Variants in ATXN10 observed in about 807,000 individuals in gnomAD.
The protein encoded by ATXN10 is ataxin 10.
Under a neutral mutation model 52.9 loss-of-function variants are expected in ATXN10, and 28 were observed. The observed-to-expected ratio is 0.53, with a 90% CI of 0.39 to 0.73. ATXN10 has a LOEUF of 0.73. Among genes scored for constraint, ATXN10 ranks in the 30% least tolerant of loss-of-function variants. The probability of loss-of-function intolerance (pLI) is 0.00; values close to 1 mark genes in which losing one functional copy is unlikely to be tolerated. For missense variants in ATXN10, 565 were observed against 577.0 expected (o/e 0.98, Z 0.21); for synonymous variants, 226 against 221.5 (o/e 1.02, Z -0.18).
At chr22:45,760,390 T>A (rs73444641) in intron 9 of ATXN10, 1 of 153,960 alleles carries the variant, frequency 6.5e-6, no homozygotes, top group African/African-American at 2.4e-5. Flanking sequence ...TCTGAGTGCT[T>A]ACCATGTGCC....
chr22:45,738,705 A>G (rs1351154078), intron 7 of ATXN10, 26 bp from the exon 8 acceptor site: 3 of 1,571,906 alleles, frequency 1.9e-6, no homozygotes, highest in Non-Finnish European at 1.8e-6. Context: ...AATATGCTAA[A>G]AAGTTATGTT....
At chr22:45,713,999 A>T (rs1035346354) in intron 5 of ATXN10, among the ~76,000 whole-genome samples, 1 of 152,192 alleles carries the variant, frequency 6.6e-6, no homozygotes, top group Non-Finnish European at 1.5e-5. Context: ...TGATTGTAGA[A>T]TAAATTCATA....
rs1569025833 is a variant in ATXN10 at position 45,694,954 on chromosome 22, A to AAAAAC, written c.391+1880_391+1881insCAAAA. On this transcript the variant is annotated intron_variant, in intron 3 of 11. Coordinates refer to ENST00000252934, the MANE Select transcript of ATXN10 (RefSeq NM_013236.4). ...AGACTCTGTCTCAAAAAAAAAAAAAAAAAAAAAAAAAACAAAACCCCAGAA... is the reference window on the plus strand; with the variant it reads ...AGACTCTGTCTCAAAAAAAAAAAAAAAAAACAAAAAAAAAAAACAAAACCCCAGAA... Among the ~76,000 whole-genome samples, 16 of 150,762 alleles carry AAAAAC rather than the reference A, an allele frequency of 1.1e-4. 1 individual carries two copies. Among genetic ancestry groups the AAAAAC allele is most frequent in the African/African-American group, 3.9e-4 (16 of 41,108 alleles).
rs1313097064 is a variant in ATXN10 at position 45,681,562 on chromosome 22, T to C, written c.117-8150T>C. Among the ~76,000 whole-genome samples the C allele has an allele frequency of 3.3e-5, 5 of 152,142 alleles. No homozygotes were observed. Among genetic ancestry groups the C allele is most frequent in the African/African-American group, 9.7e-5 (4 of 41,430 alleles). ...GCATTTTTTAATGTACATCCTCAACTCCACTGCCTCCTCTCTAAACTTTGT... is the reference window on the plus strand; with the variant it reads ...GCATTTTTTAATGTACATCCTCAACCCCACTGCCTCCTCTCTAAACTTTGT... On this transcript the variant is annotated intron_variant, in intron 1 of 11. Coordinates refer to ENST00000252934, the MANE Select transcript of ATXN10 (RefSeq NM_013236.4). The surrounding 1 kb of genome is among the most constrained non-coding windows in gnomAD (Gnocchi z 4.2).
At chr22:45,695,484 A>G (rs1923569691) in intron 3 of ATXN10, among the ~76,000 whole-genome samples, 1 of 140,346 alleles carries the variant, frequency 7.1e-6, no homozygotes, top group South Asian at 2.4e-4. Context: ...ATATAACATG[A>G]GGCATATTTC....
At chr22:45,699,358 A>T (rs1923744315) in intron 3 of ATXN10, among the ~76,000 whole-genome samples, 1 of 151,540 alleles carries the variant, frequency 6.6e-6, no homozygotes, top group Non-Finnish European at 1.5e-5. Flanking sequence ...TATGTGCCTG[A>T]TGAGTTGTTG....
chr22:45,704,748 A>C (rs759200146), intron 5 of ATXN10, among the ~76,000 whole-genome samples: 81 of 151,798 alleles, frequency 5.3e-4, no homozygotes, highest in Non-Finnish European at 1.3e-4. Flanking sequence ...TTTTCTTTCC[A>C]GTTGGGTTGC....
At chr22:45,672,241 GC>G in intron 1 of ATXN10, 62 bp downstream of exon 1, 1 of 1,404,512 alleles carries the variant, frequency 7.1e-7, no homozygotes. Flanking sequence ...TCCCGCGGCG[GC>G]CCCGGCCTGG....
chr22:45,794,752 A>G (rs1010224042), intron 9 of ATXN10, among the ~76,000 whole-genome samples: 1 of 152,244 alleles, frequency 6.6e-6, no homozygotes, highest in Non-Finnish European at 1.5e-5. Flanking sequence ...GAAGGTCAAA[A>G]AAAAGAAGGT....
In ATXN10 at chr22:45,819,454, T is replaced by C. The variant is rs1928578580; in HGVS notation, c.1237+12432T>C. ...ACGGAACGAACACAAAGTTCGGTAG[T>C]CACAGGACACCCTTGCCGTGCTGCA... On this transcript the variant is annotated intron_variant, in intron 10 of 11. Coordinates refer to ENST00000252934, the MANE Select transcript of ATXN10 (RefSeq NM_013236.4). This position sits in a 1 kb window ranked among gnomAD's most constrained non-coding sequence, Gnocchi z 4.5. Among the ~76,000 whole-genome samples the C allele has an allele frequency of 6.6e-6, 1 of 152,214 alleles. No individual in the cohort carries two copies. Among genetic ancestry groups the C allele is most frequent in the Non-Finnish European group, 1.5e-5 (1 of 68,036 alleles).
At chr22:45,691,861 T>TA (rs1923392980) in intron 2 of ATXN10, among the ~76,000 whole-genome samples, 1 of 152,090 alleles carries the variant, frequency 6.6e-6, no homozygotes, top group Non-Finnish European at 1.5e-5. Context: ...CTACTGCACT[T>TA]CAGCCTGGGC....
chr22:45,821,347 T>TA (rs567448480), intron 10 of ATXN10, among the ~76,000 whole-genome samples: 12,887 of 106,350 alleles, frequency 0.12, 737 homozygotes, highest in Middle Eastern at 0.18. Flanking sequence ...CCCGTCTCTT[T>TA]AAAAAAAAAA....
chr22:45,699,390 A>G (rs1923745410), intron 3 of ATXN10, among the ~76,000 whole-genome samples: 1 of 151,560 alleles, frequency 6.6e-6, no homozygotes, highest in South Asian at 2.1e-4. Context: ...TTTCAGATCA[A>G]CCTATACTGT....
intron 9 of ATXN10, among the ~76,000 whole-genome samples, chr22:45,745,118 A>C (rs1037490440): frequency 2.0e-5 from 3 of 152,184 alleles, no homozygotes; most frequent in African/African-American, 7.2e-5. Context: ...TTCTATTGTA[A>C]GAAGCACAAA....
intron 5 of ATXN10, among the ~76,000 whole-genome samples, chr22:45,710,823 C>T (rs1226238870): frequency 6.6e-6 from 1 of 152,126 alleles, no homozygotes; most frequent in East Asian, 1.9e-4. Flanking sequence ...AAAAGTTTGC[C>T]AACCCCATCC....
At chr22:45,672,399 A>C in intron 1 of ATXN10, 1 of 294,558 alleles carries the variant, frequency 3.4e-6, no homozygotes, top group Non-Finnish European at 5.5e-6. Context: ...CCGCTCCCCC[A>C]CCGCAGCCAG....
At chr22:45,809,099 G>A (rs980488069) in intron 10 of ATXN10, among the ~76,000 whole-genome samples, 2 of 152,116 alleles carry the variant, frequency 1.3e-5, no homozygotes, top group Admixed American at 1.3e-4. Context: ...GGTCAGAAAC[G>A]AAAAAGCCTT....
chr22:45,841,059 G>A lies in ATXN10; in HGVS notation c.1238-1932G>A, dbSNP rs761464150. The stretch of plus-strand genomic sequence containing the variant: ...TATGTTGGAAGTGCTTGATACCGGG[G>A]CTCGTTATCTTTATTCTCTATACTG... On this transcript the variant is annotated intron_variant, in intron 10 of 11. Transcript: ENST00000252934. This position sits in a 1 kb window ranked among gnomAD's most constrained non-coding sequence, Gnocchi z 5.1. Among the ~76,000 whole-genome samples, 1 of 152,134 alleles carries A rather than the reference G, an allele frequency of 6.6e-6. No homozygotes were observed. The highest frequency in any genetic ancestry group is 1.9e-4 in the East Asian group (1 of 5,194).
At position 45,732,890 on chromosome 22, in the gene ATXN10, A is replaced by G. The variant is rs1264987139; in HGVS notation, c.894+3300A>G. Among the ~76,000 whole-genome samples the G allele has an allele frequency of 2.0e-5, 3 of 152,220 alleles. No homozygotes were observed. Among genetic ancestry groups the G allele is most frequent in the African/African-American group, 7.2e-5 (3 of 41,454 alleles). ...AGATAGATATTCAGTAAAGTTCTCA[A>G]TGCTATGACTGAAAAGTGAGAATGG... On this transcript the variant is annotated intron_variant, in intron 7 of 11. Transcript: ENST00000252934. The surrounding 1 kb of genome is among the most constrained non-coding windows in gnomAD (Gnocchi z 4.5).
Sources: gnomAD v4.1 joint callset for allele counts (sites outside exome capture counted in the v4.1 genomes callset) on GRCh38, gnomAD v4.1.1 for gene constraint, Gnocchi (gnomAD v3.1) non-coding constraint, MANE v1.5 for transcripts, NCBI Gene and HGNC (gene_info 2026-07-23, HGNC 2026-07-21) for gene names.